DAB1: variants seen among roughly 807,000 people sequenced by gnomAD.
DAB1 encodes the protein DAB adaptor protein 1, also known as disabled homolog 1.
A neutral mutation model predicts 64.6 loss-of-function variants in DAB1; 15 were observed. That is an observed-to-expected ratio of 0.23 (90% CI 0.16 to 0.36). The LOEUF (loss-of-function observed/expected upper bound fraction) is 0.36. DAB1 is among the 10% of genes least tolerant of loss of function. The probability of loss-of-function intolerance (pLI) is 1.00; values close to 1 mark genes in which losing one functional copy is unlikely to be tolerated. For synonymous variants in DAB1, 235 were observed against 251.9 expected (o/e 0.93, Z 0.64); for missense variants, 596 against 706.7 (o/e 0.84, Z 1.78).
At chr1:57,663,205 T>G (rs1570716855) in intron 6 of DAB1, among the ~76,000 whole-genome samples, 1 of 151,628 alleles carries the variant, frequency 6.6e-6, no homozygotes. Flanking sequence ...AAGGGGGAGG[T>G]GCCACACACT....
intron 7 of DAB1, among the ~76,000 whole-genome samples, chr1:57,594,715 T>C (rs1046734609): frequency 2.0e-5 from 3 of 152,132 alleles, no homozygotes; most frequent in Non-Finnish European, 4.4e-5. Context: ...TATACTTATT[T>C]ATTTATTTAT....
rs1491459821 is a variant in DAB1 at position 57,641,377 on chromosome 1, TGG to T, written n.625+8213_625+8214del. ...TTGCCCAGTTCCCTCTTTTTTTTGTTGGTTTTTTTTTTTTTTTTTTTTTTGAG... is the reference window on the plus strand; with the variant it reads ...TTGCCCAGTTCCCTCTTTTTTTTGTTTTTTTTTTTTTTTTTTTTTTTTGAG... On this transcript the variant is annotated intron_variant and non_coding_transcript_variant, in intron 7 of 20. Transcript: ENST00000485760. Among the ~76,000 whole-genome samples, 333 of 114,008 alleles carry T rather than the reference TGG, an allele frequency of 2.9e-3. 7 individuals carry two copies. The highest frequency in any genetic ancestry group is 9.5e-3 in the Middle Eastern group (2 of 210). 74.8% of individuals were successfully genotyped at this position (114,008 alleles called of 152,430 possible). A position where few individuals can be genotyped will look rare whatever the true frequency, so the allele number is the denominator to read the frequency against.
chr1:57,704,878 T>TTCCTTCCTTCCTTCCTTCCTCCCTTCC lies in DAB1; in HGVS notation n.552-55214_552-55213insGGAAGGGAGGAAGGAAGGAAGGAAGGA, dbSNP rs374859083. Reference sequence around the variant, plus strand: ...TGCCCTTGCTCTTTGGGAAATTTCTTTTCCTTCCTTCCTTCCTTCCTTCCT... The same window carrying TTCCTTCCTTCCTTCCTTCCTCCCTTCC: ...TGCCCTTGCTCTTTGGGAAATTTCTTTCCTTCCTTCCTTCCTTCCTCCCTTCCTTCCTTCCTTCCTTCCTTCCTTCCT... On this transcript the variant is annotated intron_variant and non_coding_transcript_variant, in intron 6 of 20. Coordinates refer to the DAB1 transcript ENST00000485760. 1.6e-4 allele frequency among the ~76,000 whole-genome samples: 24 copies of TTCCTTCCTTCCTTCCTTCCTCCCTTCC among 146,368 alleles called. No homozygotes were observed. The East Asian group carries it at 5.1e-3, about 31-fold the overall frequency.
intron 7 of DAB1, among the ~76,000 whole-genome samples, chr1:57,516,528 G>C: frequency 6.6e-6 from 1 of 152,188 alleles, no homozygotes; most frequent in East Asian, 1.9e-4. Flanking sequence ...GGCAGCTACT[G>C]CTTATACAAT....
intron 3 of DAB1, among the ~76,000 whole-genome samples, chr1:58,462,113 CTTTTTTTTTTTTTTT>C (rs1168740907): frequency 7.4e-5 from 4 of 54,264 alleles, no homozygotes; most frequent in Non-Finnish European, 1.4e-4. Flanking sequence ...GAGAAGGTTT[CTTTTTTTTTTTTTTT>C]TTTTTTTTTG....
At chr1:58,323,041 G>T (rs937048149) in intron 4 of DAB1, among the ~76,000 whole-genome samples, 1 of 149,070 alleles carries the variant, frequency 6.7e-6, no homozygotes, top group Non-Finnish European at 1.5e-5. Flanking sequence ...ACAGAATAAT[G>T]AGAACACTTG....
intron 9 of DAB1, among the ~76,000 whole-genome samples, chr1:57,043,678 C>A (rs1419382684): frequency 6.6e-6 from 1 of 152,170 alleles, no homozygotes; most frequent in Non-Finnish European, 1.5e-5. Context: ...GAAACCCCAT[C>A]TCTACTAAAA....
chr1:57,833,088 G>T lies in DAB1; in HGVS notation n.88-6633C>A, dbSNP rs541539541. Reference sequence around the variant, plus strand: ...CTGAAAAAAAAAAAAAAAATCCTATGCTTACAGTACTTTTCTAGGATATTT... The same window carrying T: ...CTGAAAAAAAAAAAAAAAATCCTATTCTTACAGTACTTTTCTAGGATATTT... On this transcript the variant is annotated intron_variant and non_coding_transcript_variant, in intron 1 of 1. Coordinates refer to the DAB1 transcript ENST00000477280. 1.5e-3 allele frequency among the ~76,000 whole-genome samples: 233 copies of T among 151,158 alleles called. 2 individuals carry two copies. Among genetic ancestry groups the T allele is most frequent in the Non-Finnish European group, 1.8e-3 (119 of 67,840 alleles).
At chr1:57,964,123 G>T (rs998897493) in intron 5 of DAB1, among the ~76,000 whole-genome samples, 1 of 152,120 alleles carries the variant, frequency 6.6e-6, no homozygotes, top group Non-Finnish European at 1.5e-5. Flanking sequence ...TAACAGAACT[G>T]GGTGATTTCC....
At chr1:57,471,129 T>G (rs529922318) in intron 7 of DAB1, among the ~76,000 whole-genome samples, 21 of 152,338 alleles carry the variant, frequency 1.4e-4, no homozygotes, top group South Asian at 1.2e-3. Flanking sequence ...TCTTACTTTT[T>G]CATACTTCTT....
At chr1:58,286,742 T>C (rs1661694531) in intron 4 of DAB1, among the ~76,000 whole-genome samples, 1 of 152,212 alleles carries the variant, frequency 6.6e-6, no homozygotes, top group South Asian at 2.1e-4. Context: ...AGTTCAACCA[T>C]TGTGAAAGAC....
chr1:57,856,302 A>T (rs1276412163), intron 1 of DAB1, among the ~76,000 whole-genome samples: 1 of 152,200 alleles, frequency 6.6e-6, no homozygotes, highest in Non-Finnish European at 1.5e-5. Flanking sequence ...CTGTGCCTCT[A>T]TTAGAGCCCT....
At chr1:58,082,423 T>TAA (rs59730337) in intron 5 of DAB1, among the ~76,000 whole-genome samples, 4 of 88,454 alleles carry the variant, frequency 4.5e-5, no homozygotes, top group Non-Finnish European at 8.9e-5. Context: ...AAAACTTAAA[T>TAA]AAAAAAAAAA....
At chr1:58,296,227 AAGAAAGAAAGAAAG>A (rs1276541758) in intron 4 of DAB1, among the ~76,000 whole-genome samples, 2 of 151,252 alleles carry the variant, frequency 1.3e-5, no homozygotes, top group Admixed American at 6.6e-5. Flanking sequence ...GAAAGAAAGA[AAGAAAGAAAGAAAG>A]AAAGAAAGAA....
chr1:57,912,442 T>C (rs1644660374), intron 5 of DAB1, among the ~76,000 whole-genome samples: 1 of 152,140 alleles, frequency 6.6e-6, no homozygotes, highest in Admixed American at 6.6e-5. Flanking sequence ...GGGATGCATC[T>C]CAAAATAATA....
chr1:58,068,774 A>G (rs1309007469), intron 5 of DAB1, among the ~76,000 whole-genome samples: 2 of 150,438 alleles, frequency 1.3e-5, no homozygotes, highest in African/African-American at 4.9e-5. Context: ...TCAAAAAAAA[A>G]AAAAAACCAA....
At chr1:57,118,682 G>T (rs552545368) in intron 4 of DAB1, among the ~76,000 whole-genome samples, 3 of 152,214 alleles carry the variant, frequency 2.0e-5, no homozygotes, top group South Asian at 2.1e-4. Flanking sequence ...TCTATGACTG[G>T]TTTTTTTATT....
At chr1:58,228,160 G>C (rs540243959) in intron 4 of DAB1, among the ~76,000 whole-genome samples, 1 of 152,174 alleles carries the variant, frequency 6.6e-6, no homozygotes, top group Non-Finnish European at 1.5e-5. Context: ...AGTATAGTCG[G>C]TTCAAGGCAA....
At chr1:57,886,483 A>G (rs1015486207), upstream of DAB1, among the ~76,000 whole-genome samples, 2 of 152,178 alleles carry the variant, frequency 1.3e-5, no homozygotes, top group African/African-American at 4.8e-5. Context: ...CACATTTATC[A>G]TCATACCACC....
Sources: allele counts gnomAD v4.1 joint callset (sites outside exome capture counted in the v4.1 genomes callset), GRCh38; gene constraint gnomAD v4.1.1; transcripts MANE v1.5; gene names NCBI Gene and HGNC (gene_info 2026-07-23, HGNC 2026-07-21).